Variants in CCDC82 observed in about 807,000 individuals in gnomAD.
CCDC82 encodes coiled-coil domain-containing protein 82.
A neutral mutation model predicts 60.6 loss-of-function variants in CCDC82; 47 were observed. The observed-to-expected ratio is 0.77, with a 90% CI of 0.61 to 0.99. CCDC82 has a LOEUF of 0.99. Ranked by LOEUF, CCDC82 falls within the 50% of genes least tolerant of loss-of-function variation. The probability of loss-of-function intolerance (pLI) is 0.00; values close to 1 mark genes in which losing one functional copy is unlikely to be tolerated. For missense variants in CCDC82, 588 were observed against 633.0 expected, an observed-to-expected ratio of 0.93 and a Z score of 0.76; for synonymous variants, 212 against 207.4, an observed-to-expected ratio of 1.02 and a Z score of -0.19.
Position 96,353,594 on chromosome 11 carries a change from C to G in CCDC82, c.*52G>C, listed in dbSNP as rs2136038308. 3.1e-6 allele frequency: 4 copies of G among 1,274,346 alleles called. No individual in the cohort carries two copies. The East Asian group carries it at 7.0e-5, about 22-fold the overall frequency. 78.9% of individuals were successfully genotyped at this position (1,274,346 alleles called of 1,614,324 possible). ...TCACATGATACAGAAAAACAAGAAT[C>G]ATGATCTTCACATTTACAGGAATTT... is the stretch of plus-strand genomic sequence containing the variant. On this transcript the variant is annotated 3_prime_UTR_variant, in exon 10 of 10. Transcript: ENST00000646818.
chr11:96,371,809 T>C lies in CCDC82; in HGVS notation c.1085-672A>G, dbSNP rs574740068. Among the ~76,000 whole-genome samples, 6 of 152,328 alleles carry C rather than the reference T, an allele frequency of 3.9e-5. 1 individual carries two copies. In the South Asian group the frequency reaches 1.2e-3, roughly 32 times the overall value. On this transcript the variant is annotated intron_variant, in intron 6 of 9. Transcript: ENST00000646818. ...AACTCCTTGTGTCAACAAATCAGAA[T>C]ACTCTTTTCTAGCTAGGCGTTTTCC...
In CCDC82 at chr11:96,371,028, C is replaced by A. The variant is rs2136133525; in HGVS notation, c.1194G>T (p.Trp398Cys). The change falls in exon 7 of 10, where the codon TGG becomes TGT. Residue 398 changes from tryptophan to cysteine, a missense_variant. Coordinates refer to ENST00000646818, the MANE Select transcript of CCDC82 (RefSeq NM_024725.4). ...AACTGTGTACCTTATATTGCTCTTTCCAACGACTTCTAGATACCAAGCTCT... is the reference window on the plus strand; with the variant it reads ...AACTGTGTACCTTATATTGCTCTTTACAACGACTTCTAGATACCAAGCTCT... ...RLESLVSRSR[W>C]KEQYKERVEN... 4 of 1,593,906 alleles carry A rather than the reference C, an allele frequency of 2.5e-6. No homozygotes were observed. The South Asian group carries it at 3.5e-5, about 14-fold the overall frequency.
intron 5 of CCDC82, 72 bp from the exon 6 acceptor site, chr11:96,373,539 C>A (rs1865401413): frequency 4.7e-6 from 4 of 845,720 alleles, no homozygotes; most frequent in Non-Finnish European, 7.7e-6. Flanking sequence ...AGGTTCCATT[C>A]TCCACTGCTA....
chr11:96,357,789 G>C (rs767741650), intron 9 of CCDC82: 45 of 985,284 alleles, frequency 4.6e-5, no homozygotes, highest in Non-Finnish European at 5.3e-5. Context: ...ATGAAGACGG[G>C]AAGTTATTGA....
At chr11:96,362,043 T>C (rs1285739000) in intron 8 of CCDC82, among the ~76,000 whole-genome samples, 2 of 152,178 alleles carry the variant, frequency 1.3e-5, no homozygotes, top group Non-Finnish European at 2.9e-5. Flanking sequence ...ATCGCACATA[T>C]GTAAAAATTG....
chr11:96,364,966 A>G lies in CCDC82; in HGVS notation c.1380+14T>C, dbSNP rs1591175719. The G allele has an allele frequency of 1.3e-6, 2 of 1,581,076 alleles. No individual in the cohort carries two copies. The highest frequency in any genetic ancestry group is 2.4e-5 in the South Asian group (2 of 83,590). On this transcript the variant is annotated intron_variant, in intron 8 of 9. Coordinates refer to ENST00000646818, the MANE Select transcript of CCDC82 (RefSeq NM_024725.4). ...TCTAAATACTGAAAATTAAGATTAG[A>G]GGGAAGAAAATACCTGTTTATCATG...
chr11:96,354,001 T>C lies in CCDC82; in HGVS notation c.1567-287A>G, dbSNP rs1035591135. 5 of 232,712 alleles carry C rather than the reference T, an allele frequency of 2.1e-5. No individual in the cohort carries two copies. In the Admixed American group the frequency reaches 2.2e-4, roughly 10 times the overall value. 14.4% of individuals were successfully genotyped at this position (232,712 alleles called of 1,614,324 possible). On this transcript the variant is annotated intron_variant, in intron 9 of 9. Transcript: ENST00000646818. ...TATTATCATGATTACAGTAGAAATGTAGTAACCTCAATAACTTAATAAAAA... is the reference window on the plus strand; with the variant it reads ...TATTATCATGATTACAGTAGAAATGCAGTAACCTCAATAACTTAATAAAAA...
At position 96,357,943 on chromosome 11, in the gene CCDC82, G is replaced by A. The variant is rs908239576; in HGVS notation, c.1566+1050C>T. 3 of 985,306 alleles carry A rather than the reference G, an allele frequency of 3.0e-6. No homozygotes were observed. In the East Asian group the frequency reaches 3.4e-4, roughly 112 times the overall value. The allele number at this position is 985,306 out of a possible 1,614,324, so 61.0% of individuals were successfully genotyped here. On this transcript the variant is annotated intron_variant, in intron 9 of 9. Transcript: ENST00000646818. ...AGACTTAAGGATCAAGATGTGGGGG[G>A]CAGGCAAGATCACTGGGTGGTGGTT...
At chr11:96,369,812 T>A (rs1224080088) in intron 7 of CCDC82, among the ~76,000 whole-genome samples, 1 of 152,220 alleles carries the variant, frequency 6.6e-6, no homozygotes, top group East Asian at 1.9e-4. Context: ...AAAAAATACA[T>A]TATCTGCAAA....
chr11:96,384,074 T>G lies in CCDC82; in HGVS notation c.674A>C (p.Gln225Pro), dbSNP rs1344281910. ...EDEGSSVEME[Q>P]KTPEKTLAAQ... ...AGCTAATGTTTTTTCAGGAGTCTTT[T>G]GCTCCATTTCCACTGAAGAACCTTC... Residue 225 changes from glutamine (Q) to proline (P), a missense_variant, in exon 4 of 10, where the codon CAA becomes CCA. Gln to Pro is a moderately conservative substitution (Grantham distance 76). Coordinates refer to ENST00000646818, the MANE Select transcript of CCDC82 (RefSeq NM_024725.4). 1 of 1,613,778 alleles carries G rather than the reference T, an allele frequency of 6.2e-7. No individual in the cohort carries two copies. Among genetic ancestry groups the G allele is most frequent in the East Asian group, 2.2e-5 (1 of 44,866 alleles).
chr11:96,372,124 G>A (rs1865306116), intron 6 of CCDC82, among the ~76,000 whole-genome samples: 1 of 151,924 alleles, frequency 6.6e-6, no homozygotes, highest in South Asian at 2.1e-4. Context: ...CCTTCTAGTT[G>A]TTCTTGAACA....
intron 7 of CCDC82, among the ~76,000 whole-genome samples, chr11:96,367,240 C>T (rs1410512019): frequency 6.6e-6 from 1 of 152,196 alleles, no homozygotes; most frequent in Non-Finnish European, 1.5e-5. Flanking sequence ...CATCCACTGA[C>T]TCTTCCTTTC....
chr11:96,373,502 C>A (rs769760036), intron 5 of CCDC82, 35 bp from the exon 6 acceptor site: 12 of 1,258,122 alleles, frequency 9.5e-6, no homozygotes, highest in Non-Finnish European at 1.4e-5. Flanking sequence ...TAGAACAGAG[C>A]AGACAAAATA....
intron 5 of CCDC82, among the ~76,000 whole-genome samples, chr11:96,379,075 T>C (rs1414402333): frequency 6.6e-6 from 1 of 151,994 alleles, no homozygotes; most frequent in African/African-American, 2.4e-5. Context: ...TTCTCATATG[T>C]TGAATATGAT....
chr11:96,356,914 G>GA, intron 9 of CCDC82: 1 of 985,442 alleles, frequency 1.0e-6, no homozygotes, highest in Non-Finnish European at 1.2e-6. Context: ...GCTGGAGGCA[G>GA]AAAGACAGGA....
chr11:96,366,283 T>C (rs563786356), intron 7 of CCDC82, among the ~76,000 whole-genome samples: 11 of 152,348 alleles, frequency 7.2e-5, no homozygotes, highest in African/African-American at 2.6e-4. Context: ...TGTTGGTTTA[T>C]TTTGTTTGTT....
chr11:96,389,655 G>C (rs1341304295), intron 1 of CCDC82, 189 bp downstream of exon 1: 2 of 152,564 alleles, frequency 1.3e-5, no homozygotes, highest in Admixed American at 1.3e-4. Flanking sequence ...CTGCAGCTCA[G>C]CTGAGGAGGG....
At chr11:96,389,164 CT>C in intron 1 of CCDC82, 1 of 152,316 alleles carries the variant, frequency 6.6e-6, no homozygotes, top group Non-Finnish European at 1.5e-5. Context: ...AGAGGAAAGC[CT>C]ATTTCCCCCA....
At chr11:96,382,227 T>C (rs982345132) in intron 5 of CCDC82, 1 of 151,882 alleles carries the variant, frequency 6.6e-6, no homozygotes, top group Non-Finnish European at 1.5e-5. Flanking sequence ...TGACAAGCTC[T>C]GGTTATTCAG....
Sources: allele counts gnomAD v4.1 joint callset (sites outside exome capture counted in the v4.1 genomes callset), GRCh38; gene constraint gnomAD v4.1.1; transcripts MANE v1.5; gene names NCBI Gene and HGNC (gene_info 2026-07-23, HGNC 2026-07-21).